The following TAFA4 variants were observed in gnomAD, a reference collection of about 807,000 sequenced individuals.
TAFA4 encodes TAFA chemokine like family member 4, also known as chemokine-like protein TAFA-4.
Under a neutral mutation model 21.1 loss-of-function variants are expected in TAFA4, and 20 were observed. The observed-to-expected ratio is 0.95, with a 90% CI of 0.67 to 1.38. The LOEUF is 1.38. TAFA4 is among the 40% of genes most tolerant of loss of function. The pLI is 0.00. For missense variants in TAFA4, 211 were observed against 180.9 expected (o/e 1.17, Z -0.95); for synonymous variants, 71 against 67.4 (o/e 1.05, Z -0.26).
At chr3:68,812,167 G>A (rs1275925038) in intron 3 of TAFA4, among the ~76,000 whole-genome samples, 1 of 152,166 alleles carries the variant, frequency 6.6e-6, no homozygotes, top group Non-Finnish European at 1.5e-5. Flanking sequence ...AAGAGCTCCT[G>A]AAAGAAGCAC....
intron 3 of TAFA4, among the ~76,000 whole-genome samples, chr3:68,874,708 G>A (rs2089525973): frequency 6.6e-6 from 1 of 152,058 alleles, no homozygotes; most frequent in African/African-American, 2.4e-5. Context: ...AGCCTACTCT[G>A]CCAAGTAGGA....
rs557198751 is a variant in TAFA4 at position 68,924,226 on chromosome 3, G to GA, written c.-123+8013dup. On this transcript the variant is annotated intron_variant, in intron 1 of 5. Coordinates refer to ENST00000295569, the MANE Select transcript of TAFA4 (RefSeq NM_182522.5). ...CATGACGTGCAATAGCCAAAAGGTG[G>GA]AAAAAAACAAATGTCCATTGAAGGA... Among the ~76,000 whole-genome samples the GA allele has an allele frequency of 1.5e-3, 223 of 152,150 alleles. 1 individual carries two copies. The highest frequency in any genetic ancestry group is 5.3e-3 in the African/African-American group (218 of 41,516).
intron 3 of TAFA4, among the ~76,000 whole-genome samples, chr3:68,842,946 T>A (rs922322464): frequency 6.6e-6 from 1 of 152,134 alleles, no homozygotes; most frequent in Non-Finnish European, 1.5e-5. Flanking sequence ...AGCCTTGGAG[T>A]GTAGTTTGAA....
chr3:68,802,172 C>G (rs1173912086), intron 3 of TAFA4, among the ~76,000 whole-genome samples: 1 of 152,248 alleles, frequency 6.6e-6, no homozygotes, highest in South Asian at 2.1e-4. Context: ...ATTGATATCA[C>G]CAGTTAGCTA....
intron 3 of TAFA4, among the ~76,000 whole-genome samples, chr3:68,869,123 T>G (rs2089452835): frequency 6.6e-6 from 1 of 151,894 alleles, no homozygotes; most frequent in African/African-American, 2.4e-5. Context: ...AATGAATAAA[T>G]TCCTGGACAC....
intron 3 of TAFA4, among the ~76,000 whole-genome samples, chr3:68,778,342 A>G (rs1285131264): frequency 2.0e-5 from 3 of 152,220 alleles, no homozygotes; most frequent in Non-Finnish European, 4.4e-5. Context: ...AATATATATC[A>G]AGATAACAAC....
rs559730606 is a variant in TAFA4 at position 68,809,391 on chromosome 3, G to A, written c.131-56373C>T. ...ACATTAAAGTTCACTATAACAGTATGGGAATAGTTACTTGTCTAGAAATAT... is the reference window on the plus strand; with the variant it reads ...ACATTAAAGTTCACTATAACAGTATAGGAATAGTTACTTGTCTAGAAATAT... On this transcript the variant is annotated intron_variant, in intron 3 of 5. Coordinates refer to ENST00000295569, the MANE Select transcript of TAFA4 (RefSeq NM_182522.5). Among the ~76,000 whole-genome samples, 35 of 152,256 alleles carry A rather than the reference G, an allele frequency of 2.3e-4. No individual in the cohort carries two copies. In the South Asian group the frequency reaches 7.3e-3, roughly 32 times the overall value.
intron 1 of TAFA4, among the ~76,000 whole-genome samples, chr3:68,922,302 C>G (rs1394171489): frequency 6.6e-6 from 1 of 152,102 alleles, no homozygotes; most frequent in African/African-American, 2.4e-5. Context: ...TGAGGTGAGG[C>G]CAGGGAATCT....
intron 3 of TAFA4, among the ~76,000 whole-genome samples, chr3:68,807,852 A>C (rs1180566848): frequency 6.6e-6 from 1 of 152,194 alleles, no homozygotes. Flanking sequence ...TGTGTCATTC[A>C]CAAAGATTTG....
intron 4 of TAFA4, among the ~76,000 whole-genome samples, chr3:68,742,420 C>G (rs1031623543): frequency 6.6e-6 from 1 of 152,134 alleles, no homozygotes; most frequent in African/African-American, 2.4e-5. Flanking sequence ...AGGTTTGACT[C>G]AAACTATGCT....
chr3:68,791,259 A>C (rs1024725777), intron 3 of TAFA4, among the ~76,000 whole-genome samples: 27 of 152,232 alleles, frequency 1.8e-4, no homozygotes, highest in Admixed American at 5.9e-4. Context: ...ATGTGTAATC[A>C]AGTTAAGATG....
chr3:68,893,084 A>C (rs1201157545), intron 1 of TAFA4, among the ~76,000 whole-genome samples: 1 of 152,158 alleles, frequency 6.6e-6, no homozygotes, highest in Non-Finnish European at 1.5e-5. Context: ...TATTTCTTTT[A>C]ATTGGACCAG....
chr3:68,734,977 T>G (rs991759316), intron 5 of TAFA4, among the ~76,000 whole-genome samples: 1 of 152,164 alleles, frequency 6.6e-6, no homozygotes, highest in Non-Finnish European at 1.5e-5. Context: ...TTATTTTCCT[T>G]TAAAATTATT....
At chr3:68,783,709 AAGAAAAAG>A (rs1236659083) in intron 3 of TAFA4, among the ~76,000 whole-genome samples, 2 of 71,536 alleles carry the variant, frequency 2.8e-5, no homozygotes, top group Non-Finnish European at 5.2e-5. Flanking sequence ...GAGAGAGAGA[AAGAAAAAG>A]AAAGAAAGAA....
At chr3:68,790,550 C>A (rs979243706) in intron 3 of TAFA4, among the ~76,000 whole-genome samples, 1 of 152,142 alleles carries the variant, frequency 6.6e-6, no homozygotes, top group Non-Finnish European at 1.5e-5. Context: ...AAGGACCATG[C>A]TGAGTATACT....
At position 68,826,441 on chromosome 3, in the gene TAFA4, C is replaced by T. The variant is rs973093587; in HGVS notation, c.130+54289G>A. On this transcript the variant is annotated intron_variant, in intron 3 of 5. Transcript: ENST00000295569. ...CAAAAAAATTGGCTCGGCATGGTGGCGGGAGCCTGTAGTCCCAGCTGCTTG... is the reference window on the plus strand; with the variant it reads ...CAAAAAAATTGGCTCGGCATGGTGGTGGGAGCCTGTAGTCCCAGCTGCTTG... 2.6e-5 allele frequency among the ~76,000 whole-genome samples: 4 copies of T among 151,932 alleles called. No homozygotes were observed. The South Asian group carries it at 8.3e-4, about 32-fold the overall frequency.
intron 3 of TAFA4, among the ~76,000 whole-genome samples, chr3:68,754,291 A>T (rs1559759876): frequency 6.6e-6 from 1 of 152,230 alleles, no homozygotes; most frequent in Non-Finnish European, 1.5e-5. Flanking sequence ...TTTCCCCCTG[A>T]TCAGAATCCA....
intron 1 of TAFA4, among the ~76,000 whole-genome samples, chr3:68,916,576 T>C (rs1194758719): frequency 6.6e-6 from 1 of 152,226 alleles, no homozygotes. Context: ...ATTCTGCCTG[T>C]ATCATTTCAC....
chr3:68,848,387 A>C (rs1704860723), intron 3 of TAFA4, among the ~76,000 whole-genome samples: 1 of 152,234 alleles, frequency 6.6e-6, no homozygotes, highest in Admixed American at 6.5e-5. Context: ...CGAATAAAAA[A>C]TGATGGTCTT....
Sources: allele counts gnomAD v4.1 joint callset (sites outside exome capture counted in the v4.1 genomes callset), GRCh38; gene constraint gnomAD v4.1.1; transcripts MANE v1.5; gene names NCBI Gene and HGNC (gene_info 2026-07-23, HGNC 2026-07-21).